Variants in ZDHHC11B observed in about 807,000 individuals in gnomAD.
ZDHHC11B encodes zDHHC palmitoyltransferase 11B (putative), also known as probable palmitoyltransferase ZDHHC11B.
A neutral mutation model predicts 42.3 loss-of-function variants in ZDHHC11B; 17 were observed. The observed-to-expected ratio is 0.40, with a 90% CI of 0.27 to 0.60. ZDHHC11B has a LOEUF of 0.60. Among genes scored for constraint, ZDHHC11B ranks in the 20% least tolerant of loss-of-function variants. The probability of loss-of-function intolerance (pLI) is 0.41; values close to 1 mark genes in which losing one functional copy is unlikely to be tolerated. For missense variants in ZDHHC11B, 262 were observed against 463.2 expected, an observed-to-expected ratio of 0.57 and a Z score of 3.99; for synonymous variants, 123 against 193.5, an observed-to-expected ratio of 0.64 and a Z score of 3.02.
intron 2 of ZDHHC11B, among the ~76,000 whole-genome samples, chr5:767,883 G>A (rs1309303231): frequency 1.3e-4 from 2 of 15,532 alleles, no homozygotes; most frequent in African/African-American, 1.8e-4. Context: ...GCCTGCCCAG[G>A]GCCAGCTCTC....
chr5:780,878 G>T (rs560107581), intron 1 of ZDHHC11B, among the ~76,000 whole-genome samples: 9 of 151,870 alleles, frequency 5.9e-5, no homozygotes, highest in Middle Eastern at 3.4e-3. Context: ...GGAGAAGCGG[G>T]GGCCGGTGTG....
intron 12 of ZDHHC11B, among the ~76,000 whole-genome samples, chr5:723,888 G>C (rs1368040658): frequency 7.2e-6 from 1 of 138,596 alleles, no homozygotes; most frequent in African/African-American, 2.6e-5. Flanking sequence ...CCTCCCCCTC[G>C]CTGTGCAGCC....
At chr5:775,917 T>A (rs7704699) in intron 1 of ZDHHC11B, among the ~76,000 whole-genome samples, 1 of 140,564 alleles carries the variant, frequency 7.1e-6, no homozygotes, top group Non-Finnish European at 1.6e-5. Context: ...TCTCAGCTGG[T>A]GACAGGAGCT....
chr5:783,457 A>G (rs1268036623), intron 1 of ZDHHC11B, among the ~76,000 whole-genome samples: 392 of 141,886 alleles, frequency 2.8e-3, no homozygotes, highest in Non-Finnish European at 4.7e-3. Flanking sequence ...GTGGGGGGAG[A>G]CCTCTCCCCC....
rs769835457 is a variant in ZDHHC11B at position 751,247 on chromosome 5, TGAA to T, written c.511_513del (p.Phe171del). The T allele has an allele frequency of 1.6e-6, 2 of 1,220,762 alleles. No homozygotes were observed. The highest frequency in any genetic ancestry group is 2.8e-5 in the Admixed American group (1 of 35,842). 75.6% of individuals were successfully genotyped at this position (1,220,762 alleles called of 1,614,324 possible). A position where few individuals can be genotyped will look rare whatever the true frequency, so the allele number is the denominator to read the frequency against. ...CCAGCTGTGGCCGAGGCCACAGTGC[TGAA>T]GAAGAACCTGCCGGGAGACACACAG... On this transcript the variant is annotated inframe_deletion, in exon 7 of 14. Transcript: ENST00000508859.
At chr5:715,150 G>C (rs1343278989) in intron 13 of ZDHHC11B, among the ~76,000 whole-genome samples, 3 of 150,718 alleles carry the variant, frequency 2.0e-5, no homozygotes, top group African/African-American at 7.4e-5. Flanking sequence ...GTGTTTCTTT[G>C]TAGTAACACT....
intron 4 of ZDHHC11B, among the ~76,000 whole-genome samples, chr5:763,685 C>T (rs1734919419): frequency 6.6e-6 from 1 of 151,706 alleles, no homozygotes; most frequent in African/African-American, 2.4e-5. Context: ...TCTGTAGAGA[C>T]TTGTTTCGAA....
At chr5:776,781 G>A (rs1439970732) in intron 1 of ZDHHC11B, among the ~76,000 whole-genome samples, 8 of 151,928 alleles carry the variant, frequency 5.3e-5, no homozygotes, top group Non-Finnish European at 8.8e-5. Context: ...CCATTAAACA[G>A]GGCCAAGGAA....
At chr5:767,294 C>A (rs1735576818) in intron 3 of ZDHHC11B, 98 bp downstream of exon 3, 5 of 1,374,150 alleles carry the variant, frequency 3.6e-6, no homozygotes, top group African/African-American at 1.4e-5. Flanking sequence ...TGCGGGATGG[C>A]CCTCTCCCCA....
intron 1 of ZDHHC11B, among the ~76,000 whole-genome samples, chr5:770,957 C>T (rs1366523862): frequency 1.3e-5 from 2 of 151,842 alleles, no homozygotes; most frequent in African/African-American, 4.8e-5. Context: ...ACCTCCCTAC[C>T]ATGCATGGGC....
intron 11 of ZDHHC11B, among the ~76,000 whole-genome samples, chr5:730,853 C>A (rs566833600): frequency 6.6e-6 from 1 of 151,838 alleles, no homozygotes; most frequent in East Asian, 1.9e-4. Flanking sequence ...AGAGGGAAGA[C>A]TGTGAGAGGA....
intron 10 of ZDHHC11B, among the ~76,000 whole-genome samples, chr5:737,826 CAA>C (rs1199862568): frequency 1.4e-5 from 2 of 146,694 alleles, no homozygotes; most frequent in Non-Finnish European, 3.0e-5. Flanking sequence ...CCCTCTATGA[CAA>C]ACCCACAGCC....
intron 11 of ZDHHC11B, chr5:732,659 G>T (rs1321588085): frequency 2.2e-6 from 1 of 451,316 alleles, no homozygotes; most frequent in Non-Finnish European, 4.4e-6. Context: ...GTGCGGTGAG[G>T]CGGCCCTGCC....
rs550481619 is a variant in ZDHHC11B at position 723,456 on chromosome 5, G to A, written c.1059-6591C>T. Among the ~76,000 whole-genome samples, 81 of 122,488 alleles carry A rather than the reference G, an allele frequency of 6.6e-4. 2 individuals carry two copies. Among genetic ancestry groups the A allele is most frequent in the African/African-American group, 2.2e-3 (73 of 33,318 alleles). The allele number at this position is 122,488 out of a possible 152,430, so 80.4% of individuals were successfully genotyped here. On this transcript the variant is annotated intron_variant, in intron 12 of 13. Coordinates refer to ENST00000508859, the MANE Select transcript of ZDHHC11B (RefSeq NM_001351303.2). ...TAGAACCAGCAGCATCTCCACACTG[G>A]CCCAGAAACGAGGTCTGTCTGATGC...
chr5:733,422 A>G (rs1281991648), intron 11 of ZDHHC11B, among the ~76,000 whole-genome samples: 4 of 151,284 alleles, frequency 2.6e-5, no homozygotes, highest in African/African-American at 9.8e-5. Context: ...ATCCTTTATC[A>G]CAGCACTGTC....
chr5:761,589 C>A (rs1351704988), intron 4 of ZDHHC11B, among the ~76,000 whole-genome samples: 1 of 151,874 alleles, frequency 6.6e-6, no homozygotes, highest in Non-Finnish European at 1.5e-5. Flanking sequence ...AGTGGAGGGG[C>A]GCAAGGCTGG....
intron 4 of ZDHHC11B, among the ~76,000 whole-genome samples, chr5:759,845 G>T (rs1251643928): frequency 2.0e-5 from 3 of 151,894 alleles, no homozygotes; most frequent in Non-Finnish European, 4.4e-5. Flanking sequence ...AGAGCCGCCC[G>T]GGTCCCTGCA....
intron 12 of ZDHHC11B, among the ~76,000 whole-genome samples, chr5:723,493 T>A (rs1742342084): frequency 8.4e-6 from 1 of 118,562 alleles, no homozygotes; most frequent in Non-Finnish European, 2.0e-5. Context: ...AAAGTCCAAA[T>A]GCAGGTTACG....
chr5:759,663 C>T (rs1255432330), intron 4 of ZDHHC11B, among the ~76,000 whole-genome samples: 2 of 151,926 alleles, frequency 1.3e-5, no homozygotes, highest in African/African-American at 4.8e-5. Flanking sequence ...CTGGAAGGGC[C>T]CATACACGCG....
Sources: allele counts gnomAD v4.1 joint callset (sites outside exome capture counted in the v4.1 genomes callset), GRCh38; gene constraint gnomAD v4.1.1; transcripts MANE v1.5; gene names NCBI Gene and HGNC (gene_info 2026-07-23, HGNC 2026-07-21).